PHEX: variants seen among roughly 807,000 people sequenced by gnomAD.
PHEX encodes phosphate regulating endopeptidase X-linked.
A neutral mutation model predicts 68.0 loss-of-function variants in PHEX; 16 were observed. That is an observed-to-expected ratio of 0.24 (90% confidence interval 0.16 to 0.36). The LOEUF is 0.36. PHEX is among the 10% of genes least tolerant of loss of function. The probability of loss-of-function intolerance (pLI) is 1.00; values close to 1 mark genes in which losing one functional copy is unlikely to be tolerated. For missense variants in PHEX, 480 were observed against 575.5 expected, an observed-to-expected ratio of 0.83 and a Z score of 1.70; for synonymous variants, 208 against 205.1, an observed-to-expected ratio of 1.01 and a Z score of -0.12.
chrX:22,226,383 A>ATGAT (rs1483130219), intron 18 of PHEX, 60 bp from the exon 19 acceptor site: 6 of 814,721 alleles, frequency 7.4e-6, no homozygotes, highest in South Asian at 4.1e-5. Context: ...CTCTTGCTGA[A>ATGAT]TGATAGTTGA....
At chrX:22,188,789 A>C (rs983356109) in intron 14 of PHEX, among the ~76,000 whole-genome samples, 3 of 111,660 alleles carry the variant, frequency 2.7e-5, no homozygotes, top group Non-Finnish European at 3.8e-5. Flanking sequence ...GTTATCTTAA[A>C]ATGTACAATT....
intron 3 of PHEX, among the ~76,000 whole-genome samples, chrX:22,060,624 T>C (rs1244633600): frequency 8.9e-6 from 1 of 112,036 alleles, no homozygotes; most frequent in East Asian, 2.8e-4. Flanking sequence ...AAGGGGGCAT[T>C]TTTGTAGCAT....
intron 3 of PHEX, among the ~76,000 whole-genome samples, chrX:22,062,933 G>A (rs966525193): frequency 3.6e-5 from 4 of 110,666 alleles, no homozygotes; most frequent in Non-Finnish European, 7.6e-5. Flanking sequence ...GCTAATTTTT[G>A]TATTTTTAGT....
At chrX:22,234,577 C>T (rs1935894827) in intron 20 of PHEX, among the ~76,000 whole-genome samples, 2 of 110,343 alleles carry the variant, frequency 1.8e-5, no homozygotes, top group South Asian at 7.7e-4. Context: ...AGGGTAAAAC[C>T]ACCTACTGAA....
intron 13 of PHEX, among the ~76,000 whole-genome samples, chrX:22,173,581 T>C (rs1323259958): frequency 1.8e-5 from 2 of 110,512 alleles, no homozygotes; most frequent in African/African-American, 6.6e-5. Flanking sequence ...ACCAACATAA[T>C]AAGTATGTCT....
At chrX:22,180,517 C>T (rs1004282373) in intron 14 of PHEX, among the ~76,000 whole-genome samples, 2 of 111,152 alleles carry the variant, frequency 1.8e-5, no homozygotes, top group South Asian at 3.8e-4. Flanking sequence ...AGTAGGTGTA[C>T]GTATTTATGA....
intron 15 of PHEX, among the ~76,000 whole-genome samples, chrX:22,191,882 G>A (rs1163891142): frequency 8.9e-6 from 1 of 112,337 alleles, no homozygotes; most frequent in Non-Finnish European, 1.9e-5. Flanking sequence ...TGAAAAATGA[G>A]CAACATATAT....
chrX:22,114,795 G>A (rs974263944), intron 11 of PHEX, among the ~76,000 whole-genome samples: 8 of 111,262 alleles, frequency 7.2e-5, no homozygotes, highest in Non-Finnish European at 1.1e-4. Context: ...AGAGGAGAGA[G>A]AAGGTGTGTA....
chrX:22,143,326 A>C (rs143126874), intron 12 of PHEX, among the ~76,000 whole-genome samples: 62 of 112,286 alleles, frequency 5.5e-4, no homozygotes, highest in African/African-American at 1.9e-3. Flanking sequence ...GAATATTCAC[A>C]GTGATGGGCA....
Position 22,114,531 on chromosome X carries a change from A to G in PHEX, c.1247A>G (p.Tyr416Cys). 1 of 1,197,614 alleles carries G rather than the reference A, an allele frequency of 8.3e-7. No homozygotes were observed. Among genetic ancestry groups the G allele is most frequent in the South Asian group, 1.8e-5 (1 of 56,675 alleles). The change falls in exon 11 of 22, where the codon TAT becomes TGT. Residue 416 changes from tyrosine (Y) to cysteine (C), a missense_variant. By Grantham distance (194) the Tyr-to-Cys change is radical. Transcript: ENST00000379374. ...AACTTTATTGAAAGTGCCCTCCCTT[A>G]TGTTGTTGGAAAGATGTTTGTAGAT... is the stretch of plus-strand genomic sequence containing the variant. ...CVNFIESALPYVVGKMFVDVY... is the reference protein window; with the variant it reads ...CVNFIESALPCVVGKMFVDVY...
At position 22,131,456 on chromosome X, in the gene PHEX, T is replaced by G. The variant is rs778344253; in HGVS notation, c.1303-2067T>G. Among the ~76,000 whole-genome samples, 44 of 113,098 alleles carry G rather than the reference T, an allele frequency of 3.9e-4. No homozygotes were observed. The South Asian group carries it at 0.015, about 40-fold the overall frequency. On this transcript the variant is annotated intron_variant, in intron 11 of 21. Transcript: ENST00000379374. ...CTTTGCTCTTCTAGCAGTTTGTGTT[T>G]TATCCCAAGTTGAAGTTTCTCTTCT...
chrX:22,090,368 T>A, intron 5 of PHEX, 61 bp from the exon 6 acceptor site: 1 of 915,448 alleles, frequency 1.1e-6, no homozygotes, highest in Non-Finnish European at 1.6e-6. Context: ...ATCACTCTTG[T>A]TAACATGGTA....
intron 12 of PHEX, among the ~76,000 whole-genome samples, chrX:22,160,329 ACC>A (rs1403414698): frequency 9.0e-6 from 1 of 110,933 alleles, no homozygotes; most frequent in African/African-American, 3.3e-5. Flanking sequence ...CAGGTGGATC[ACC>A]TGAGGTCAGG....
At chrX:22,125,235 A>C (rs1931664801) in intron 11 of PHEX, among the ~76,000 whole-genome samples, 1 of 111,774 alleles carries the variant, frequency 8.9e-6, no homozygotes, top group Non-Finnish European at 1.9e-5. Context: ...ATAAATTATT[A>C]ACAACGATTT....
At chrX:22,229,199 G>C (rs1411236909) in intron 20 of PHEX, among the ~76,000 whole-genome samples, 1 of 112,033 alleles carries the variant, frequency 8.9e-6, no homozygotes, top group African/African-American at 3.2e-5. Context: ...ATAAACATAA[G>C]TGTGCATGGC....
chrX:22,098,447 C>T (rs1930248062), intron 8 of PHEX, among the ~76,000 whole-genome samples: 2 of 106,926 alleles, frequency 1.9e-5, no homozygotes, highest in South Asian at 4.2e-4. Context: ...GTGTGGGTGT[C>T]GTCCAGATGT....
intron 14 of PHEX, among the ~76,000 whole-genome samples, chrX:22,183,280 C>T (rs750676436): frequency 1.8e-5 from 2 of 110,962 alleles, no homozygotes; most frequent in African/African-American, 6.6e-5. Context: ...TGTTTCCATC[C>T]GGCCATCCCT....
intron 5 of PHEX, among the ~76,000 whole-genome samples, chrX:22,085,504 G>A (rs1384802919): frequency 9.2e-6 from 1 of 108,280 alleles, no homozygotes; most frequent in African/African-American, 3.4e-5. Flanking sequence ...GAACCTGGGA[G>A]GTGGAGGTTG....
In PHEX at chrX:22,093,993, C is replaced by G. The variant is rs867137730; in HGVS notation, c.743C>G (p.Ala248Gly). 8.5e-7 allele frequency: 1 copy of G among 1,176,366 alleles called. No individual in the cohort carries two copies. Among genetic ancestry groups the G allele is most frequent in the Non-Finnish European group, 1.2e-6 (1 of 864,304 alleles). Residue 248 changes from alanine (A) to glycine (G), a missense_variant, in exon 7 of 22, where the codon GCC (alanine) becomes GGC (glycine). Transcript: ENST00000379374. ...CTTTATTTCTTACAGTATCGGGATG[C>G]CCTTTACAAGTTCATGGTGGATACT... ...NSTEAKSYRD[A>G]LYKFMVDTAV...
Sources: gnomAD v4.1 joint callset for allele counts (sites outside exome capture counted in the v4.1 genomes callset) on GRCh38, gnomAD v4.1.1 for gene constraint, MANE v1.5 for transcripts, NCBI Gene and HGNC (gene_info 2026-07-23, HGNC 2026-07-21) for gene names.